The following PCDH11X variants were observed in gnomAD, a reference collection of about 807,000 sequenced individuals.
PCDH11X encodes the protein protocadherin 11 X-linked.
PCDH11X carries 18 observed loss-of-function variants against 53.3 expected under a neutral mutation model. The observed-to-expected ratio is 0.34, with a 90% confidence interval of 0.23 to 0.50. The LOEUF is 0.50. Ranked by LOEUF, PCDH11X falls within the 20% of genes least tolerant of loss-of-function variation. The pLI, the probability that PCDH11X is intolerant of heterozygous loss-of-function variation, is 0.98. For missense variants in PCDH11X, 570 were observed against 1,032.4 expected (o/e 0.55, Z 6.14); for synonymous variants, 279 against 393.3 (o/e 0.71, Z 3.44).
Position 92,242,962 on chromosome X carries a change from C to CT in PCDH11X, c.3115-20144dup, listed in dbSNP as rs1284072678. 6.3e-5 allele frequency among the ~76,000 whole-genome samples: 7 copies of CT among 110,593 alleles called. No homozygotes were observed. In the South Asian group the frequency reaches 1.9e-3, roughly 30 times the overall value. On this transcript the variant is annotated intron_variant, in intron 7 of 10. Coordinates refer to ENST00000682573, the MANE Select transcript of PCDH11X (RefSeq NM_032968.5). ...GTCCGTGTTCTGACTGAACTGCTCT[C>CT]TTTTTTTTACTATTGAATTTTTAAA...
intron 8 of PCDH11X, among the ~76,000 whole-genome samples, chrX:92,283,423 A>T (rs927415331): frequency 9.0e-6 from 1 of 111,487 alleles, no homozygotes; most frequent in African/African-American, 3.3e-5. Context: ...AATGCACTGA[A>T]CTTCTATGGA....
intron 6 of PCDH11X, among the ~76,000 whole-genome samples, chrX:92,172,087 A>AGAT (rs1205439557): frequency 2.8e-5 from 3 of 108,021 alleles, no homozygotes; most frequent in Non-Finnish European, 5.7e-5. Flanking sequence ...CTTCAAATAG[A>AGAT]GATAGTCTTA....
chrX:91,940,194 C>G (rs908652174), intron 6 of PCDH11X, among the ~76,000 whole-genome samples: 1 of 110,715 alleles, frequency 9.0e-6, no homozygotes, highest in African/African-American at 3.3e-5. Flanking sequence ...GCTTCAACTT[C>G]CGCCATGATT....
chrX:92,552,454 T>A (rs889072813), intron 10 of PCDH11X, among the ~76,000 whole-genome samples: 4 of 104,610 alleles, frequency 3.8e-5, no homozygotes, highest in African/African-American at 1.4e-4. Flanking sequence ...CTTAGGTTTT[T>A]CCAAATATAA....
intron 6 of PCDH11X, among the ~76,000 whole-genome samples, chrX:92,195,835 C>T (rs746334047): frequency 1.4e-4 from 16 of 111,808 alleles, no homozygotes; most frequent in Non-Finnish European, 2.3e-4. Flanking sequence ...AATCATAGGA[C>T]GTAAATTATT....
intron 6 of PCDH11X, among the ~76,000 whole-genome samples, chrX:92,098,246 G>A (rs892919312): frequency 8.1e-5 from 9 of 110,827 alleles, no homozygotes; most frequent in African/African-American, 2.6e-4. Flanking sequence ...TTTATGTTGT[G>A]AGGTTGTGTG....
chrX:92,350,171 C>T (rs1386183046), intron 8 of PCDH11X, among the ~76,000 whole-genome samples: 4 of 109,555 alleles, frequency 3.7e-5, no homozygotes, highest in Admixed American at 9.8e-5. Context: ...TGGACCTCAC[C>T]TCTTTCTGGT....
chrX:92,559,085 G>A (rs1258950779), intron 10 of PCDH11X, among the ~76,000 whole-genome samples: 1 of 111,081 alleles, frequency 9.0e-6, no homozygotes, highest in Non-Finnish European at 1.9e-5. Context: ...AAAATAACAA[G>A]CAGCCACTTA....
At chrX:92,303,302 T>G (rs1380395740) in intron 8 of PCDH11X, among the ~76,000 whole-genome samples, 1 of 110,567 alleles carries the variant, frequency 9.0e-6, no homozygotes, top group Non-Finnish European at 1.9e-5. Context: ...AGCCAGAAAA[T>G]TCTACTGGAA....
At chrX:92,494,621 C>G (rs991137879) in intron 10 of PCDH11X, among the ~76,000 whole-genome samples, 10 of 111,461 alleles carry the variant, frequency 9.0e-5, no homozygotes, top group Non-Finnish European at 1.1e-4. Flanking sequence ...TTATTTCTCA[C>G]TGACAATACT....
At chrX:92,534,190 A>G (rs1414754698) in intron 10 of PCDH11X, among the ~76,000 whole-genome samples, 4 of 110,503 alleles carry the variant, frequency 3.6e-5, no homozygotes, top group African/African-American at 1.3e-4. Context: ...TAGAATAAAC[A>G]GTGTAGAGAA....
At chrX:92,473,577 C>T (rs901765544) in intron 10 of PCDH11X, among the ~76,000 whole-genome samples, 1 of 111,335 alleles carries the variant, frequency 9.0e-6, no homozygotes, top group African/African-American at 3.3e-5. Context: ...TTAGTGTAGG[C>T]ACTTACAGCT....
chrX:92,053,492 G>A (rs995111383), intron 6 of PCDH11X, among the ~76,000 whole-genome samples: 1 of 105,808 alleles, frequency 9.5e-6, no homozygotes, highest in African/African-American at 3.5e-5. Context: ...AAACCCAAGA[G>A]GTCAAAACTA....
chrX:91,954,406 G>T (rs1238079895), intron 6 of PCDH11X, among the ~76,000 whole-genome samples: 1 of 111,285 alleles, frequency 9.0e-6, no homozygotes, highest in African/African-American at 3.3e-5. Flanking sequence ...TGTGAATAGT[G>T]CTGCAATGAA....
At chrX:92,271,003 G>T (rs772532061) in intron 8 of PCDH11X, among the ~76,000 whole-genome samples, 1 of 111,498 alleles carries the variant, frequency 9.0e-6, no homozygotes, top group African/African-American at 3.3e-5. Flanking sequence ...CTTAACTACC[G>T]CGATTCTCTG....
intron 9 of PCDH11X, among the ~76,000 whole-genome samples, chrX:92,441,158 G>A (rs369007039): frequency 1.9e-5 from 2 of 107,308 alleles, no homozygotes; most frequent in East Asian, 6.0e-4. Context: ...TTCAGGATGT[G>A]ACTTGGGTGC....
chrX:92,081,735 C>CAT (rs2063860179), intron 6 of PCDH11X, among the ~76,000 whole-genome samples: 1 of 110,387 alleles, frequency 9.1e-6, no homozygotes, highest in African/African-American at 3.3e-5. Context: ...CACACACACA[C>CAT]ACATACATAC....
intron 6 of PCDH11X, among the ~76,000 whole-genome samples, chrX:92,001,736 G>A (rs2062514876): frequency 9.0e-6 from 1 of 111,118 alleles, no homozygotes; most frequent in African/African-American, 3.3e-5. Context: ...CCAAATTGCT[G>A]GGATTATAGG....
intron 6 of PCDH11X, among the ~76,000 whole-genome samples, chrX:92,067,190 C>A (rs1176811580): frequency 1.8e-5 from 2 of 111,107 alleles, no homozygotes; most frequent in South Asian, 7.6e-4. Flanking sequence ...TAACACTTCT[C>A]ATGCTATGTT....
Sources: gnomAD v4.1 joint callset for allele counts (sites outside exome capture counted in the v4.1 genomes callset) on GRCh38, gnomAD v4.1.1 for gene constraint, MANE v1.5 for transcripts, NCBI Gene and HGNC (gene_info 2026-07-23, HGNC 2026-07-21) for gene names.